Variants in KDM4C observed in about 807,000 individuals in gnomAD.
The protein encoded by KDM4C is lysine demethylase 4C, also known as lysine-specific demethylase 4C.
A neutral mutation model predicts 129.3 loss-of-function variants in KDM4C; 81 were observed. The ratio of observed to expected loss-of-function variants is 0.63; its 90% confidence interval spans 0.52 to 0.75. KDM4C has a LOEUF of 0.75. Ranked by LOEUF, KDM4C falls within the 30% of genes least tolerant of loss-of-function variation. The probability of loss-of-function intolerance (pLI) is 0.00; values close to 1 mark genes in which losing one functional copy is unlikely to be tolerated. For missense variants in KDM4C, 1,457 were observed against 1,304.0 expected (o/e 1.12, Z -1.81); for synonymous variants, 573 against 456.1 (o/e 1.26, Z -3.26).
chr9:6,990,929 A>C (rs182371171), intron 12 of KDM4C, among the ~76,000 whole-genome samples: 3 of 152,168 alleles, frequency 2.0e-5, no homozygotes, highest in Non-Finnish European at 4.4e-5. Flanking sequence ...GTAAAAGTCT[A>C]TGTGCCATAT....
chr9:7,032,158 C>CA (rs1564013785), intron 15 of KDM4C, among the ~76,000 whole-genome samples: 3 of 152,294 alleles, frequency 2.0e-5, no homozygotes, highest in South Asian at 4.1e-4. Context: ...CTTTGACTCC[C>CA]AACACTGTTT....
At chr9:6,859,759 G>A (rs566694043) in intron 5 of KDM4C, among the ~76,000 whole-genome samples, 39 of 151,742 alleles carry the variant, frequency 2.6e-4, no homozygotes, top group Admixed American at 1.6e-3. Flanking sequence ...CTAGCTACTC[G>A]GGAGGTGGGG....
chr9:7,105,777 G>A (rs748503315), intron 18 of KDM4C, among the ~76,000 whole-genome samples: 1 of 152,166 alleles, frequency 6.6e-6, no homozygotes, highest in African/African-American at 2.4e-5. Context: ...AAGAGATCCA[G>A]GTGTTTAATC....
chr9:6,784,723 C>A (rs1825108774), intron 1 of KDM4C, among the ~76,000 whole-genome samples: 1 of 152,160 alleles, frequency 6.6e-6, no homozygotes, highest in South Asian at 2.1e-4. Flanking sequence ...GCTGCTTGGA[C>A]TTGTGAGAGA....
chr9:6,964,752 A>T (rs1427378832), intron 8 of KDM4C, among the ~76,000 whole-genome samples: 1 of 140,038 alleles, frequency 7.1e-6, no homozygotes, highest in East Asian at 2.5e-4. Context: ...ACTGCACTCC[A>T]GCCTGGGGGA....
intron 1 of KDM4C, among the ~76,000 whole-genome samples, chr9:6,787,829 A>AT (rs1419588011): frequency 6.6e-6 from 1 of 152,214 alleles, no homozygotes; most frequent in Non-Finnish European, 1.5e-5. Context: ...AGAGACAGCC[A>AT]TTATCTCCTT....
chr9:6,854,525 C>G (rs1182401871), intron 5 of KDM4C, among the ~76,000 whole-genome samples: 3 of 41,384 alleles, frequency 7.2e-5, no homozygotes, highest in African/African-American at 1.0e-4. Flanking sequence ...AACTCCGTCT[C>G]AAAAAAAAAA....
At chr9:7,060,392 C>A (rs968474900) in intron 17 of KDM4C, among the ~76,000 whole-genome samples, 8 of 150,928 alleles carry the variant, frequency 5.3e-5, no homozygotes, top group Non-Finnish European at 1.2e-4. Flanking sequence ...GACCCAGTAG[C>A]TCCTAGGATA....
chr9:6,904,690 A>G (rs1817990806), intron 8 of KDM4C, among the ~76,000 whole-genome samples: 1 of 152,222 alleles, frequency 6.6e-6, no homozygotes, highest in Admixed American at 6.5e-5. Context: ...TGTTTTACTG[A>G]ATGACAGCAT....
intron 4 of KDM4C, among the ~76,000 whole-genome samples, chr9:6,816,086 A>C (rs954671180): frequency 1.3e-5 from 2 of 152,182 alleles, no homozygotes; most frequent in Non-Finnish European, 2.9e-5. Flanking sequence ...GATTCAGTCA[A>C]GGATTCCCCT....
chr9:6,885,499 T>C (rs1342939543), intron 6 of KDM4C, among the ~76,000 whole-genome samples: 4 of 152,206 alleles, frequency 2.6e-5, no homozygotes, highest in Admixed American at 1.3e-4. Context: ...TGTTGGGGTC[T>C]CTGGAATACA....
rs766049161 is a variant in KDM4C, at chr9:7,169,783, A to C, written c.2902-15A>C. On this transcript the variant is annotated splice_polypyrimidine_tract_variant and intron_variant, in intron 20 of 21. Coordinates refer to ENST00000381309, the MANE Select transcript of KDM4C (RefSeq NM_015061.6). ...GTTTTTTTAATATGTATCATGTTATATTATCTTTCATTAGGTTGAGTTTGA... is the reference window on the plus strand; with the variant it reads ...GTTTTTTTAATATGTATCATGTTATCTTATCTTTCATTAGGTTGAGTTTGA... 1.9e-6 allele frequency: 3 copies of C among 1,591,338 alleles called. No individual in the cohort carries two copies. The African/African-American group carries it at 4.0e-5, about 21-fold the overall frequency.
At chr9:6,834,081 T>C (rs1045122462) in intron 4 of KDM4C, among the ~76,000 whole-genome samples, 2 of 143,218 alleles carry the variant, frequency 1.4e-5, no homozygotes, top group South Asian at 2.3e-4. Context: ...CTCTGTCACC[T>C]AGGCTGGGGT....
In KDM4C at chr9:6,793,025, A is replaced by C; in HGVS notation, c.37A>C (p.Ser13Arg). 1 of 1,614,220 alleles carries C rather than the reference A, an allele frequency of 6.2e-7. No individual in the cohort carries two copies. The highest frequency in any genetic ancestry group is 1.7e-5 in the Admixed American group (1 of 60,020). The change falls in exon 2 of 22, where the codon AGC becomes CGC. Residue 13 changes from serine to arginine, a missense_variant. Physicochemically the swap from Ser to Arg is moderately radical, Grantham distance 110. Transcript: ENST00000381309. ...VAEVESPLNPSCKIMTFRPSM... is the reference protein window; with the variant it reads ...VAEVESPLNPRCKIMTFRPSM... ...CGAGGTGGAAAGTCCTCTGAACCCC[A>C]GCTGTAAGATAATGACCTTCAGACC...
chr9:6,968,597 C>T (rs933925027), intron 8 of KDM4C, among the ~76,000 whole-genome samples: 7 of 152,086 alleles, frequency 4.6e-5, no homozygotes, highest in Non-Finnish European at 1.0e-4. Flanking sequence ...GAATTCTGCC[C>T]TTCTGCGTTA....
chr9:7,077,026 C>G (rs991857445), intron 17 of KDM4C: 13 of 985,390 alleles, frequency 1.3e-5, no homozygotes, highest in Non-Finnish European at 1.6e-5. Flanking sequence ...TTCCTTCTTG[C>G]TGCACAACAA....
intron 1 of KDM4C, among the ~76,000 whole-genome samples, chr9:6,730,844 C>T (rs541722904): frequency 2.2e-4 from 34 of 152,212 alleles, no homozygotes; most frequent in Non-Finnish European, 2.9e-4. Context: ...TTGAACACTC[C>T]GCAGTGTATG....
At chr9:6,850,681 C>T (rs1353152043) in intron 5 of KDM4C, among the ~76,000 whole-genome samples, 1 of 152,166 alleles carries the variant, frequency 6.6e-6, no homozygotes, top group Non-Finnish European at 1.5e-5. Flanking sequence ...GTCTGCCCAC[C>T]TTGGCCTCTC....
chr9:7,122,815 A>C (rs555832315), intron 18 of KDM4C, among the ~76,000 whole-genome samples: 79 of 152,276 alleles, frequency 5.2e-4, no homozygotes, highest in African/African-American at 1.9e-3. Flanking sequence ...AGTTCATATT[A>C]AAGAAAATTC....
Sources: allele counts gnomAD v4.1 joint callset (sites outside exome capture counted in the v4.1 genomes callset), GRCh38; gene constraint gnomAD v4.1.1; transcripts MANE v1.5; gene names NCBI Gene and HGNC (gene_info 2026-07-23, HGNC 2026-07-21).